Variants in LARGE1 observed in about 807,000 individuals in gnomAD.
LARGE1 encodes the protein LARGE xylosyl- and glucuronyltransferase 1.
LARGE1 carries 43 observed loss-of-function variants against 87.6 expected under a neutral mutation model. The ratio of observed to expected loss-of-function variants is 0.49; its 90% CI spans 0.38 to 0.63. The LOEUF (loss-of-function observed/expected upper bound fraction) is 0.63, where lower values mean the gene tolerates loss of function less well. Among genes scored for constraint, LARGE1 ranks in the 30% least tolerant of loss-of-function variants. The probability of loss-of-function intolerance (pLI) is 0.00; values close to 1 mark genes in which losing one functional copy is unlikely to be tolerated. For missense variants in LARGE1, 802 were observed against 1,000.2 expected (o/e 0.80, Z 2.67); for synonymous variants, 434 against 394.6 (o/e 1.10, Z -1.18).
intron 11 of LARGE1, among the ~76,000 whole-genome samples, chr22:33,234,055 T>TA (rs1426327239): frequency 6.6e-6 from 1 of 152,236 alleles, no homozygotes; most frequent in African/African-American, 2.4e-5. Context: ...TAGGCTGCAG[T>TA]AACAGCCTTC....
At chr22:33,415,029 T>A (rs1201686635) in intron 7 of LARGE1, among the ~76,000 whole-genome samples, 2 of 152,204 alleles carry the variant, frequency 1.3e-5, no homozygotes, top group Non-Finnish European at 2.9e-5. Flanking sequence ...GACAGTGTTA[T>A]TTTTTTCGAT....
At chr22:33,592,594 G>A (rs559386446) in intron 5 of LARGE1, among the ~76,000 whole-genome samples, 10 of 152,070 alleles carry the variant, frequency 6.6e-5, no homozygotes, top group Admixed American at 2.6e-4. Context: ...TATTATTTGC[G>A]TATGTTCTGA....
chr22:33,572,297 G>C (rs1034640481), intron 5 of LARGE1: 3 of 754,728 alleles, frequency 4.0e-6, no homozygotes, highest in African/African-American at 3.7e-5. Context: ...TATATGTTCA[G>C]AGTATAATTG....
chr22:33,658,480 C>T (rs1162554144), intron 2 of LARGE1, among the ~76,000 whole-genome samples: 3 of 152,056 alleles, frequency 2.0e-5, no homozygotes, highest in Non-Finnish European at 4.4e-5. Flanking sequence ...GTGTTGTTCC[C>T]CTACTTGTGT....
intron 2 of LARGE1, among the ~76,000 whole-genome samples, chr22:33,743,506 C>CCT: frequency 6.6e-6 from 1 of 152,172 alleles, no homozygotes; most frequent in Non-Finnish European, 1.5e-5. Flanking sequence ...CAAAACCTAT[C>CCT]CCCAGGCAGC....
At chr22:33,148,213 C>G in the LARGE1 span, among the ~76,000 whole-genome samples, 1 of 152,198 alleles carries the variant, frequency 6.6e-6, no homozygotes, top group Non-Finnish European at 1.5e-5. Flanking sequence ...GCCAAATAAA[C>G]TTCTGTTCTC....
intron 1 of LARGE1, among the ~76,000 whole-genome samples, chr22:33,882,357 A>G (rs2064721963): frequency 1.3e-5 from 2 of 152,132 alleles, no homozygotes. Context: ...ATGAAATGAA[A>G]AAAGGCCAGT....
chr22:33,862,760 CTG>C (rs1454843690), intron 1 of LARGE1, among the ~76,000 whole-genome samples: 3 of 152,256 alleles, frequency 2.0e-5, no homozygotes, highest in African/African-American at 7.2e-5. Flanking sequence ...CTTGTGAGAG[CTG>C]TGTTTTCATT....
intron 6 of LARGE1, among the ~76,000 whole-genome samples, chr22:33,554,351 A>G (rs1345506361): frequency 6.6e-6 from 1 of 152,164 alleles, no homozygotes; most frequent in Non-Finnish European, 1.5e-5. Flanking sequence ...CTGGCCATTC[A>G]GAAAAGGAAA....
At chr22:33,135,043 G>A in the LARGE1 span, among the ~76,000 whole-genome samples, 8 of 152,212 alleles carry the variant, frequency 5.3e-5, no homozygotes. Context: ...CCCAGGAGAA[G>A]AGCAGGATTG....
At chr22:33,276,799 G>A (rs1929392553) in intron 14 of LARGE1, among the ~76,000 whole-genome samples, 1 of 152,216 alleles carries the variant, frequency 6.6e-6, no homozygotes, top group Non-Finnish European at 1.5e-5. Context: ...CAGGTTGGGT[G>A]AGGATGAGAA....
intron 11 of LARGE1, among the ~76,000 whole-genome samples, chr22:33,247,438 TGAAA>T (rs1416328627): frequency 6.6e-6 from 1 of 152,168 alleles, no homozygotes; most frequent in Non-Finnish European, 1.5e-5. Flanking sequence ...CCTTTGTCAG[TGAAA>T]GAAACTAATG....
At chr22:33,443,967 TG>T (rs1460080938) in intron 6 of LARGE1, among the ~76,000 whole-genome samples, 2 of 152,258 alleles carry the variant, frequency 1.3e-5, no homozygotes, top group Non-Finnish European at 1.5e-5. Flanking sequence ...ATTTTGGATT[TG>T]TCTTTTTTAA....
At chr22:33,891,400 C>A in intron 1 of LARGE1, among the ~76,000 whole-genome samples, 1 of 148,282 alleles carries the variant, frequency 6.7e-6, no homozygotes. Context: ...TCTTTTTGAG[C>A]AACAACTATG....
downstream of LARGE1, among the ~76,000 whole-genome samples, chr22:33,160,867 A>G (rs1442787769): frequency 6.6e-6 from 1 of 152,278 alleles, no homozygotes; most frequent in Non-Finnish European, 1.5e-5. Context: ...GGCCTGGGCC[A>G]GATCTCCCAG....
At chr22:33,670,611 G>A (rs937570445) in intron 2 of LARGE1, among the ~76,000 whole-genome samples, 1 of 152,124 alleles carries the variant, frequency 6.6e-6, no homozygotes, top group African/African-American at 2.4e-5. Context: ...CTATTAGCTC[G>A]AGGTAGTTCA....
At chr22:33,249,218 T>G (rs1357005534) in intron 11 of LARGE1, among the ~76,000 whole-genome samples, 1 of 152,224 alleles carries the variant, frequency 6.6e-6, no homozygotes, top group Non-Finnish European at 1.5e-5. Context: ...TTGCCAATGT[T>G]CCAGATTTTG....
chr22:33,741,342 C>CTCCCTCATTTGCACT (rs2083873647), intron 2 of LARGE1, among the ~76,000 whole-genome samples: 1 of 152,232 alleles, frequency 6.6e-6, no homozygotes, highest in African/African-American at 2.4e-5. Context: ...CTACTGAATG[C>CTCCCTCATTTGCACT]ACTCCCACTA....
intron 10 of LARGE1, among the ~76,000 whole-genome samples, chr22:33,326,217 T>C (rs1049652241): frequency 3.3e-5 from 5 of 152,200 alleles, no homozygotes; most frequent in African/African-American, 1.2e-4. Context: ...TGACCTCGAC[T>C]TGGAGGAGAT....
Sources: gnomAD v4.1 joint callset for allele counts (sites outside exome capture counted in the v4.1 genomes callset) on GRCh38, gnomAD v4.1.1 for gene constraint, MANE v1.5 for transcripts, NCBI Gene and HGNC (gene_info 2026-07-23, HGNC 2026-07-21) for gene names.